CCSER1: variants seen among roughly 807,000 people sequenced by gnomAD.
CCSER1 encodes the protein coiled-coil serine rich protein 1, also known as serine-rich coiled-coil domain-containing protein 1.
Under a neutral mutation model 82.0 loss-of-function variants are expected in CCSER1, and 41 were observed. The observed-to-expected ratio is 0.50, with a 90% CI of 0.39 to 0.65. The LOEUF (loss-of-function observed/expected upper bound fraction) is 0.65, where lower values mean the gene tolerates loss of function less well. CCSER1 is among the 30% of genes least tolerant of loss of function. CCSER1 has a pLI of 0.00. For missense variants in CCSER1, 1,119 were observed against 1,064.2 expected, an observed-to-expected ratio of 1.05 and a Z score of -0.72; for synonymous variants, 414 against 383.9, an observed-to-expected ratio of 1.08 and a Z score of -0.92.
chr4:91,278,827 T>A (rs1742681250), intron 10 of CCSER1, among the ~76,000 whole-genome samples: 1 of 152,128 alleles, frequency 6.6e-6, no homozygotes, highest in Non-Finnish European at 1.5e-5. Context: ...GAGTCCTTTG[T>A]TTTTCTCATT....
chr4:90,217,033 T>G (rs1322612741), intron 1 of CCSER1, among the ~76,000 whole-genome samples: 1 of 152,170 alleles, frequency 6.6e-6, no homozygotes, highest in Non-Finnish European at 1.5e-5. Context: ...GTATTTAATT[T>G]TTTTGTGTGT....
intron 7 of CCSER1, among the ~76,000 whole-genome samples, chr4:90,764,715 A>G (rs1025931560): frequency 1.3e-5 from 2 of 152,110 alleles, no homozygotes; most frequent in African/African-American, 4.8e-5. Flanking sequence ...AGACTAATGA[A>G]GAAAATTGTA....
intron 10 of CCSER1, among the ~76,000 whole-genome samples, chr4:91,579,541 G>A (rs1763629766): frequency 6.6e-6 from 1 of 151,704 alleles, no homozygotes; most frequent in Non-Finnish European, 1.5e-5. Context: ...CATGAGAAAG[G>A]GTCTCTCAGA....
intron 5 of CCSER1, among the ~76,000 whole-genome samples, chr4:90,596,419 T>A (rs116616876): frequency 0.031 from 4,661 of 151,934 alleles, 252 homozygotes; most frequent in African/African-American, 0.11. Context: ...ATTTAAAGTA[T>A]AGGACATGTA....
rs116760626 is a variant in CCSER1, at chr4:91,518,613, T to C, written c.2218-79959T>C. Reference sequence around the variant, plus strand: ...AGCTAGTGGGTCTGTTTGTTGGGTGTTGGGGCATCAAGGGCTCACATGGAG... The same window carrying C: ...AGCTAGTGGGTCTGTTTGTTGGGTGCTGGGGCATCAAGGGCTCACATGGAG... On this transcript the variant is annotated intron_variant, in intron 10 of 10. Transcript: ENST00000509176. Among the ~76,000 whole-genome samples, 405 of 152,210 alleles carry C rather than the reference T, an allele frequency of 2.7e-3. 1 individual carries two copies. The highest frequency in any genetic ancestry group is 9.3e-3 in the African/African-American group (386 of 41,538).
chr4:91,123,633 G>A (rs1229949062), intron 10 of CCSER1, among the ~76,000 whole-genome samples: 2 of 151,578 alleles, frequency 1.3e-5, no homozygotes, highest in Non-Finnish European at 3.0e-5. Context: ...CAGTGATGGT[G>A]GTTTCTTATC....
chr4:90,795,105 A>G (rs1209612366), intron 7 of CCSER1, among the ~76,000 whole-genome samples: 1 of 152,072 alleles, frequency 6.6e-6, no homozygotes. Context: ...CCTGGCCAAC[A>G]TGGTGAAACC....
intron 10 of CCSER1, among the ~76,000 whole-genome samples, chr4:91,124,608 A>G (rs1727349787): frequency 6.6e-6 from 1 of 151,764 alleles, no homozygotes; most frequent in Admixed American, 6.6e-5. Context: ...ACTACGATAT[A>G]TGAATGTACC....
intron 5 of CCSER1, among the ~76,000 whole-genome samples, chr4:90,522,206 G>A (rs1405819567): frequency 6.6e-6 from 1 of 151,968 alleles, no homozygotes; most frequent in African/African-American, 2.4e-5. Context: ...CTCATTTGTG[G>A]TTAATAATAT....
chr4:91,323,320 A>G (rs1036459490), intron 10 of CCSER1, among the ~76,000 whole-genome samples: 4 of 152,172 alleles, frequency 2.6e-5, no homozygotes, highest in Non-Finnish European at 5.9e-5. Flanking sequence ...TTTTAAATGC[A>G]GATTCATAGG....
At chr4:91,295,170 T>C (rs748683422) in intron 10 of CCSER1, among the ~76,000 whole-genome samples, 7 of 151,980 alleles carry the variant, frequency 4.6e-5, no homozygotes, top group Non-Finnish European at 1.0e-4. Context: ...ATTTAAGCTA[T>C]CTAATGAAAT....
At chr4:91,015,200 A>G (rs1286972811) in intron 9 of CCSER1, among the ~76,000 whole-genome samples, 2 of 152,098 alleles carry the variant, frequency 1.3e-5, no homozygotes, top group Non-Finnish European at 2.9e-5. Flanking sequence ...ACATGTGGTT[A>G]TCTTCAACTG....
At chr4:91,023,710 A>G (rs1327378971) in intron 9 of CCSER1, among the ~76,000 whole-genome samples, 1 of 152,206 alleles carries the variant, frequency 6.6e-6, no homozygotes, top group Non-Finnish European at 1.5e-5. Flanking sequence ...AAACCCTAGA[A>G]GAAAACCTAG....
At chr4:91,011,389 C>T (rs1254571548) in intron 9 of CCSER1, among the ~76,000 whole-genome samples, 1 of 134,332 alleles carries the variant, frequency 7.4e-6, no homozygotes, top group East Asian at 2.4e-4. Context: ...ACATGGCCTA[C>T]AATCTGTAGC....
chr4:90,706,352 G>A (rs984738336), intron 6 of CCSER1, among the ~76,000 whole-genome samples: 3 of 152,114 alleles, frequency 2.0e-5, no homozygotes, highest in East Asian at 1.9e-4. Context: ...AGGTTAAGGC[G>A]GGAGGATCTC....
At chr4:91,178,352 T>C (rs943178956) in intron 10 of CCSER1, among the ~76,000 whole-genome samples, 2 of 152,092 alleles carry the variant, frequency 1.3e-5, no homozygotes, top group African/African-American at 4.8e-5. Context: ...CTGAGTTCAA[T>C]TCCTGGATAT....
At chr4:90,419,322 G>T (rs1756328794) in intron 4 of CCSER1, among the ~76,000 whole-genome samples, 1 of 151,850 alleles carries the variant, frequency 6.6e-6, no homozygotes. Flanking sequence ...TTCTAACGAT[G>T]ATAGTAATCC....
chr4:90,192,042 C>T (rs560510192), intron 1 of CCSER1, among the ~76,000 whole-genome samples: 3 of 152,068 alleles, frequency 2.0e-5, no homozygotes, highest in Admixed American at 6.6e-5. Context: ...TGTATTAGTC[C>T]GTTTTCACGC....
At chr4:91,033,760 T>C (rs866347710) in intron 9 of CCSER1, among the ~76,000 whole-genome samples, 2 of 152,126 alleles carry the variant, frequency 1.3e-5, no homozygotes, top group Non-Finnish European at 2.9e-5. Context: ...TCTTCATCAG[T>C]AGGTCAAAGA....
Sources: gnomAD v4.1 joint callset for allele counts (sites outside exome capture counted in the v4.1 genomes callset) on GRCh38, gnomAD v4.1.1 for gene constraint, MANE v1.5 for transcripts, NCBI Gene and HGNC (gene_info 2026-07-23, HGNC 2026-07-21) for gene names.